Variants in VWA3B observed in about 807,000 individuals in gnomAD.
The protein encoded by VWA3B is von Willebrand factor A domain containing 3B.
A neutral mutation model predicts 158.3 loss-of-function variants in VWA3B; 138 were observed. The observed-to-expected ratio is 0.87, with a 90% CI of 0.76 to 1.00. VWA3B has a LOEUF of 1.00. VWA3B is among the 50% of genes least tolerant of loss of function. The pLI is 0.00. For missense variants in VWA3B, 1,555 were observed against 1,565.1 expected (o/e 0.99, Z 0.11); for synonymous variants, 596 against 587.3 (o/e 1.01, Z -0.21).
At chr2:98,288,977 C>T (rs1379949120) in intron 22 of VWA3B, among the ~76,000 whole-genome samples, 1 of 152,064 alleles carries the variant, frequency 6.6e-6, no homozygotes. Context: ...TAAAATTTTT[C>T]ATTTAAAAGA....
intron 23 of VWA3B, among the ~76,000 whole-genome samples, chr2:98,295,985 A>T (rs1689780717): frequency 6.6e-6 from 1 of 152,270 alleles, no homozygotes. Context: ...CCACATCTAC[A>T]GAGATTATAC....
intron 19 of VWA3B, among the ~76,000 whole-genome samples, chr2:98,243,899 G>A (rs1349922207): frequency 6.6e-6 from 1 of 152,180 alleles, no homozygotes; most frequent in East Asian, 1.9e-4. Flanking sequence ...CCTCTCCTTG[G>A]CCAATCTGGT....
intron 9 of VWA3B, among the ~76,000 whole-genome samples, chr2:98,185,180 T>C (rs1680917739): frequency 6.6e-6 from 1 of 152,220 alleles, no homozygotes; most frequent in Non-Finnish European, 1.5e-5. Context: ...CCCCCCTGTC[T>C]GACCAAGTCA....
chr2:98,230,407 C>A (rs1685257064), intron 16 of VWA3B, among the ~76,000 whole-genome samples, 200 bp downstream of exon 16: 1 of 152,154 alleles, frequency 6.6e-6, no homozygotes, highest in Non-Finnish European at 1.5e-5. Context: ...ATGGTAACAT[C>A]TTGCAAAATA....
At chr2:98,169,711 C>G (rs555899088) in intron 8 of VWA3B, among the ~76,000 whole-genome samples, 2 of 136,494 alleles carry the variant, frequency 1.5e-5, no homozygotes, top group Non-Finnish European at 3.1e-5. Flanking sequence ...CACACCTGGG[C>G]ATTCTGTGTG....
At chr2:98,140,697 C>T (rs1467401938) in intron 7 of VWA3B, among the ~76,000 whole-genome samples, 1 of 152,154 alleles carries the variant, frequency 6.6e-6, no homozygotes, top group Non-Finnish European at 1.5e-5. Context: ...TTTGGTGCTC[C>T]TCTGAACCAC....
chr2:98,166,267 G>C (rs1475990254), intron 8 of VWA3B, among the ~76,000 whole-genome samples: 1 of 152,188 alleles, frequency 6.6e-6, no homozygotes, highest in Non-Finnish European at 1.5e-5. Context: ...AACCCAGGAG[G>C]TGGAGGTGGC....
At chr2:98,281,957 A>C (rs1055008499) in intron 22 of VWA3B, among the ~76,000 whole-genome samples, 1 of 152,062 alleles carries the variant, frequency 6.6e-6, no homozygotes, top group Non-Finnish European at 1.5e-5. Flanking sequence ...ATTCCCTCTG[A>C]CTTTCATCAC....
intron 12 of VWA3B, among the ~76,000 whole-genome samples, chr2:98,202,131 C>T (rs1345091681): frequency 6.6e-6 from 1 of 151,958 alleles, no homozygotes; most frequent in Non-Finnish European, 1.5e-5. Context: ...CCAATGAAAC[C>T]ATCTGGGCCT....
At chr2:98,126,739 A>G (rs1675393762) in intron 5 of VWA3B, among the ~76,000 whole-genome samples, 1 of 152,190 alleles carries the variant, frequency 6.6e-6, no homozygotes, top group African/African-American at 2.4e-5. Flanking sequence ...TACTTTTTAG[A>G]ATCAGGAGCT....
intron 5 of VWA3B, among the ~76,000 whole-genome samples, chr2:98,126,620 A>T (rs577915170): frequency 6.6e-6 from 1 of 152,388 alleles, no homozygotes. Flanking sequence ...GCTGGCTACA[A>T]GGAATCTGGA....
chr2:98,252,683 A>G (rs1273972680), intron 20 of VWA3B, among the ~76,000 whole-genome samples: 1 of 152,156 alleles, frequency 6.6e-6, no homozygotes, highest in Non-Finnish European at 1.5e-5. Flanking sequence ...TAAAATAACC[A>G]TAGGTGCATG....
chr2:98,290,595 T>C lies in VWA3B; in HGVS notation c.3130T>C (p.Cys1044Arg). Residue 1044 changes from cysteine (C) to arginine (R), a missense_variant, in exon 23 of 28, where the codon TGT becomes CGT. Coordinates refer to ENST00000477737, the MANE Select transcript of VWA3B (RefSeq NM_144992.5). ...PLKGQKVIAR[C>R]DENGFYFPGV... ...CAAAGGACAGAAGGTTATTGCAAGA[T>C]GTGATGAAAATGGCTTTTATTTTCC... is the stretch of plus-strand genomic sequence containing the variant. 3 of 1,596,536 alleles carry C rather than the reference T, an allele frequency of 1.9e-6. No homozygotes were observed. Among genetic ancestry groups the C allele is most frequent in the Non-Finnish European group, 2.6e-6 (3 of 1,174,914 alleles).
chr2:98,169,714 T>G (rs1007120668), intron 8 of VWA3B, among the ~76,000 whole-genome samples: 1 of 119,768 alleles, frequency 8.3e-6, no homozygotes, highest in Non-Finnish European at 1.7e-5. Flanking sequence ...ACCTGGGCAT[T>G]CTGTGTGTGT....
At chr2:98,151,935 A>G (rs573631068) in intron 7 of VWA3B, among the ~76,000 whole-genome samples, 1 of 152,196 alleles carries the variant, frequency 6.6e-6, no homozygotes, top group Non-Finnish European at 1.5e-5. Context: ...ATCCAAAAGG[A>G]TTTGGCAGCC....
At chr2:98,316,104 T>C (rs556820447), downstream of VWA3B, among the ~76,000 whole-genome samples, 2 of 152,346 alleles carry the variant, frequency 1.3e-5, no homozygotes, top group South Asian at 4.1e-4. Context: ...CTAATCAATA[T>C]GTAACTTTGT....
intron 4 of VWA3B, among the ~76,000 whole-genome samples, chr2:98,120,944 T>C (rs1263822545): frequency 6.6e-6 from 1 of 152,234 alleles, no homozygotes; most frequent in Non-Finnish European, 1.5e-5. Context: ...CTGTGAATTA[T>C]TATAAATGTA....
At chr2:98,298,107 C>CACCCTT in intron 24 of VWA3B, 76 bp downstream of exon 24, 3 of 1,353,820 alleles carry the variant, frequency 2.2e-6, no homozygotes, top group Non-Finnish European at 2.9e-6. Context: ...GCCAAGGCCA[C>CACCCTT]TGTTTGGCCC....
downstream of VWA3B, among the ~76,000 whole-genome samples, chr2:98,317,861 A>AT (rs964720715): frequency 6.6e-6 from 1 of 152,232 alleles, no homozygotes; most frequent in Admixed American, 6.5e-5. Context: ...CTCTACAAAT[A>AT]TTTTACAGAG....
Sources: allele counts gnomAD v4.1 joint callset (sites outside exome capture counted in the v4.1 genomes callset), GRCh38; gene constraint gnomAD v4.1.1; transcripts MANE v1.5; gene names NCBI Gene and HGNC (gene_info 2026-07-23, HGNC 2026-07-21).